Variants in SEMA5B observed in about 807,000 individuals in gnomAD.
SEMA5B encodes semaphorin-5B.
A neutral mutation model predicts 135.0 loss-of-function variants in SEMA5B; 66 were observed. The observed-to-expected ratio is 0.49, with a 90% CI of 0.40 to 0.60. The LOEUF (loss-of-function observed/expected upper bound fraction) is 0.60. Among genes scored for constraint, SEMA5B ranks in the 20% least tolerant of loss-of-function variants. The probability of loss-of-function intolerance (pLI) is 0.00; values close to 1 mark genes in which losing one functional copy is unlikely to be tolerated. For synonymous variants in SEMA5B, 690 were observed against 639.5 expected (o/e 1.08, Z -1.19); for missense variants, 1,501 against 1,566.3 (o/e 0.96, Z 0.70).
At chr3:123,022,018 C>T (rs2107834282) in intron 1 of SEMA5B, among the ~76,000 whole-genome samples, 1 of 152,236 alleles carries the variant, frequency 6.6e-6, no homozygotes, top group South Asian at 2.1e-4. Context: ...AAAGAATCCA[C>T]AGAAAAGTCA....
chr3:122,976,528 T>C (rs1333365122), intron 1 of SEMA5B, among the ~76,000 whole-genome samples: 1 of 152,196 alleles, frequency 6.6e-6, no homozygotes, highest in Non-Finnish European at 1.5e-5. Context: ...TCCATGTTTT[T>C]TTGTCTCCCA....
intron 2 of SEMA5B, among the ~76,000 whole-genome samples, chr3:122,957,735 C>A (rs979685865): frequency 6.6e-6 from 1 of 152,186 alleles, no homozygotes; most frequent in Non-Finnish European, 1.5e-5. Flanking sequence ...GAGGCACTTG[C>A]CCAAGGTCCC....
intron 14 of SEMA5B, among the ~76,000 whole-genome samples, chr3:122,914,991 C>G (rs140391667): frequency 9.7e-4 from 147 of 152,284 alleles, no homozygotes; most frequent in African/African-American, 3.4e-3. Context: ...TCATTTAACC[C>G]TCCCAACAAC....
In SEMA5B at chr3:122,961,179, C is replaced by T. The variant is rs781141824; in HGVS notation, c.85G>A (p.Gly29Arg). ...AGAAGCCAGCCCCCTACTGTCCATC[C>T]ACACCTTAGCTGTTGGGCTGGGGTA... ...PDTPAQQLRC[G>R]WTVGGWLLSL... Residue 29 changes from glycine to arginine, a missense_variant, in exon 2 of 23, where the codon GGA becomes AGA. Coordinates refer to ENST00000357599, the MANE Select transcript of SEMA5B (RefSeq NM_001031702.4). 1.2e-5 allele frequency: 19 copies of T among 1,613,538 alleles called. No homozygotes were observed. The highest frequency in any genetic ancestry group is 1.6e-5 in the Non-Finnish European group (19 of 1,179,740).
chr3:123,026,691 T>A (rs1942808529), intron 1 of SEMA5B, among the ~76,000 whole-genome samples: 1 of 152,156 alleles, frequency 6.6e-6, no homozygotes, highest in Non-Finnish European at 1.5e-5. Context: ...CCCTCCTCGC[T>A]GGATCTCCCG....
At chr3:122,988,624 C>G (rs925291292) in intron 1 of SEMA5B, among the ~76,000 whole-genome samples, 1 of 152,238 alleles carries the variant, frequency 6.6e-6, no homozygotes, top group Non-Finnish European at 1.5e-5. Context: ...TAACAAGCCT[C>G]TCTAGGACTT....
chr3:123,016,961 G>A (rs779936344), intron 1 of SEMA5B, among the ~76,000 whole-genome samples: 1 of 145,132 alleles, frequency 6.9e-6, no homozygotes, highest in Non-Finnish European at 1.5e-5. Context: ...GCGCGATCTC[G>A]GCTCACTGCA....
chr3:123,002,929 G>A (rs531456968), intron 1 of SEMA5B, among the ~76,000 whole-genome samples: 2 of 152,238 alleles, frequency 1.3e-5, no homozygotes, highest in East Asian at 3.9e-4. Context: ...GGATGAGGTG[G>A]CACTTTGTAA....
At chr3:122,980,664 C>T (rs1244909050) in intron 1 of SEMA5B, among the ~76,000 whole-genome samples, 1 of 152,248 alleles carries the variant, frequency 6.6e-6, no homozygotes, top group East Asian at 1.9e-4. Context: ...GTGAAGTATC[C>T]ATAACACAAA....
chr3:122,949,299 C>T (rs1039683870), intron 2 of SEMA5B, among the ~76,000 whole-genome samples: 2 of 152,198 alleles, frequency 1.3e-5, no homozygotes, highest in African/African-American at 4.8e-5. Context: ...CAATCAAAAT[C>T]ATAAGGAAAA....
At chr3:122,985,322 G>A (rs760953858) in intron 1 of SEMA5B, among the ~76,000 whole-genome samples, 5 of 152,072 alleles carry the variant, frequency 3.3e-5, no homozygotes, top group Non-Finnish European at 5.9e-5. Flanking sequence ...GCAAGACCCT[G>A]TCTCTAAATT....
intron 2 of SEMA5B, among the ~76,000 whole-genome samples, chr3:122,956,127 C>T (rs1259642640): frequency 6.6e-6 from 1 of 152,210 alleles, no homozygotes; most frequent in Non-Finnish European, 1.5e-5. Context: ...GCAGGGTGCT[C>T]TAGGAGTGGG....
intron 15 of SEMA5B, 74 bp from the exon 16 acceptor site, chr3:122,913,755 G>C: frequency 6.3e-7 from 1 of 1,581,042 alleles, no homozygotes; most frequent in East Asian, 2.2e-5. Flanking sequence ...GGGAGTGCAA[G>C]ACCGGAAAGG....
intron 1 of SEMA5B, among the ~76,000 whole-genome samples, chr3:122,967,445 T>C (rs987781214): frequency 6.6e-6 from 1 of 152,088 alleles, no homozygotes; most frequent in African/African-American, 2.4e-5. Flanking sequence ...TGTGGGTGGG[T>C]GCACCCATCC....
At chr3:122,951,097 C>T (rs1321248355) in intron 2 of SEMA5B, among the ~76,000 whole-genome samples, 1 of 152,120 alleles carries the variant, frequency 6.6e-6, no homozygotes, top group African/African-American at 2.4e-5. Context: ...TCATGCCTGG[C>T]TAGAGGGGCA....
intron 1 of SEMA5B, among the ~76,000 whole-genome samples, chr3:123,023,840 T>C (rs1380495459): frequency 6.6e-6 from 1 of 152,216 alleles, no homozygotes; most frequent in Non-Finnish European, 1.5e-5. Flanking sequence ...GTTGTATCCA[T>C]GGCTCCTAGA....
intron 1 of SEMA5B, among the ~76,000 whole-genome samples, chr3:123,014,078 G>C (rs1475506203): frequency 2.6e-5 from 4 of 152,356 alleles, no homozygotes; most frequent in South Asian, 4.1e-4. Flanking sequence ...TAGGGAACAG[G>C]GAACATGCAA....
At chr3:122,997,528 G>GCCCCCCA (rs1467816383) in intron 1 of SEMA5B, among the ~76,000 whole-genome samples, 3 of 145,738 alleles carry the variant, frequency 2.1e-5, no homozygotes, top group South Asian at 4.4e-4. Context: ...TCCCCCCCCC[G>GCCCCCCA]TCTCCACCAG....
At chr3:122,976,786 A>G (rs1941337601) in intron 1 of SEMA5B, among the ~76,000 whole-genome samples, 2 of 152,158 alleles carry the variant, frequency 1.3e-5, no homozygotes, top group African/African-American at 4.8e-5. Flanking sequence ...GCGGTGGCTC[A>G]CACCTGTAAT....
Sources: allele counts gnomAD v4.1 joint callset (sites outside exome capture counted in the v4.1 genomes callset), GRCh38; gene constraint gnomAD v4.1.1; transcripts MANE v1.5; gene names NCBI Gene and HGNC (gene_info 2026-07-23, HGNC 2026-07-21).